Variants in ENAH observed in about 807,000 individuals in gnomAD.
ENAH encodes the protein ENAH actin regulator.
In ENAH, 23 loss-of-function variants were observed where a neutral mutation model predicts 78.7. The observed-to-expected ratio is 0.29, with a 90% CI of 0.21 to 0.41. The LOEUF (loss-of-function observed/expected upper bound fraction) is 0.41, where lower values mean the gene tolerates loss of function less well. Among genes scored for constraint, ENAH ranks in the 10% least tolerant of loss-of-function variants. The pLI is 1.00. For missense variants in ENAH, 544 were observed against 691.0 expected (o/e 0.79, Z 2.39); for synonymous variants, 226 against 241.0 (o/e 0.94, Z 0.58).
At chr1:225,531,001 T>C (rs1366699664) in intron 3 of ENAH, 2 of 400,472 alleles carry the variant, frequency 5.0e-6, no homozygotes, top group East Asian at 3.6e-5. Context: ...ATTCATGAAG[T>C]GGAGAGGGAG....
chr1:225,620,255 C>T (rs1480469866), intron 1 of ENAH, among the ~76,000 whole-genome samples: 1 of 151,786 alleles, frequency 6.6e-6, no homozygotes, highest in Non-Finnish European at 1.5e-5. Context: ...AGGCCTCGCG[C>T]GGTGGTTCAC....
At chr1:225,653,680 G>A (rs1354029582), upstream of ENAH, among the ~76,000 whole-genome samples, 1 of 152,162 alleles carries the variant, frequency 6.6e-6, no homozygotes, top group Admixed American at 6.5e-5. This position sits in a 1 kb window ranked among gnomAD's most constrained non-coding sequence, Gnocchi z 4.3. Context: ...GCGGCCGGGT[G>A]CCCTCGCGCG....
intron 2 of ENAH, among the ~76,000 whole-genome samples, chr1:225,563,807 A>G (rs958249088): frequency 3.3e-5 from 5 of 152,176 alleles, no homozygotes; most frequent in Admixed American, 2.0e-4. Context: ...ATTCTCTACA[A>G]TGGTTGCATA....
chr1:225,488,108 A>T lies in ENAH; in HGVS notation c.*9667T>A, dbSNP rs2096207389. On this transcript the variant is annotated 3_prime_UTR_variant, in exon 14 of 14. Coordinates refer to ENST00000366843, the MANE Select transcript of ENAH (RefSeq NM_018212.6). Reference sequence around the variant, plus strand: ...CATGCACATGCTTATTCTGACCCCAACCCCATCCCTACAAAGGGGCAGCAG... The same window carrying T: ...CATGCACATGCTTATTCTGACCCCATCCCCATCCCTACAAAGGGGCAGCAG... 6.6e-6 allele frequency: 1 copy of T among 152,088 alleles called. No individual in the cohort carries two copies. The highest frequency in any genetic ancestry group is 1.5e-5 in the Non-Finnish European group (1 of 68,028). 9.4% of individuals were successfully genotyped at this position (152,088 alleles called of 1,614,324 possible).
intron 1 of ENAH, among the ~76,000 whole-genome samples, chr1:225,620,312 G>T (rs528420429): frequency 2.0e-5 from 3 of 151,712 alleles, no homozygotes; most frequent in African/African-American, 7.3e-5. Flanking sequence ...TAGATCACAA[G>T]GTCAGGAGAT....
chr1:225,621,481 A>G (rs933525753), intron 1 of ENAH, among the ~76,000 whole-genome samples: 4 of 151,202 alleles, frequency 2.6e-5, no homozygotes, highest in Admixed American at 2.0e-4. Flanking sequence ...TTTAGTAGAG[A>G]CGGGGTTTCA....
At chr1:225,615,956 A>G (rs2097028881) in intron 1 of ENAH, among the ~76,000 whole-genome samples, 1 of 152,250 alleles carries the variant, frequency 6.6e-6, no homozygotes. Context: ...AGAAGCAGAC[A>G]TAGGAGACTC....
At chr1:225,628,815 A>G (rs1658421787) in intron 1 of ENAH, among the ~76,000 whole-genome samples, 3 of 151,264 alleles carry the variant, frequency 2.0e-5, no homozygotes. Flanking sequence ...GCTGAAGCAG[A>G]GAACTGCTTG....
rs1200734976 is a variant in ENAH, at chr1:225,527,231, T to TA, written c.434+3322dup. On this transcript the variant is annotated intron_variant, in intron 4 of 13. Coordinates refer to ENST00000366843, the MANE Select transcript of ENAH (RefSeq NM_018212.6). Reference sequence around the variant, plus strand: ...AGTAATAGTATAGAAAAAGGCCAGTTAAACAGCCAAAGTTAACAGGACAAT... The same window carrying TA: ...AGTAATAGTATAGAAAAAGGCCAGTTAAAACAGCCAAAGTTAACAGGACAAT... 4.6e-5 allele frequency among the ~76,000 whole-genome samples: 7 copies of TA among 152,330 alleles called. No homozygotes were observed. In the East Asian group the frequency reaches 1.3e-3, roughly 29 times the overall value.
intron 1 of ENAH, among the ~76,000 whole-genome samples, chr1:225,614,474 C>CAAAA (rs1017621527): frequency 1.2e-4 from 19 of 152,168 alleles, no homozygotes; most frequent in Non-Finnish European, 1.0e-4. Flanking sequence ...GATGTACCCC[C>CAAAA]AATCGCTGCA....
intron 2 of ENAH, among the ~76,000 whole-genome samples, chr1:225,558,188 C>T (rs1405927561): frequency 6.6e-6 from 1 of 152,034 alleles, no homozygotes; most frequent in Non-Finnish European, 1.5e-5. Context: ...TGTATTCATA[C>T]CAGGTTTTGA....
chr1:225,553,581 A>C (rs1022022641), intron 3 of ENAH, among the ~76,000 whole-genome samples: 4 of 152,144 alleles, frequency 2.6e-5, no homozygotes, highest in African/African-American at 9.6e-5. Context: ...TAAGAAAAAA[A>C]AAAAAAGAAT....
chr1:225,500,938 A>AT, intron 12 of ENAH, 54 bp downstream of exon 12: 1 of 1,520,004 alleles, frequency 6.6e-7, no homozygotes, highest in African/African-American at 1.4e-5. Flanking sequence ...CATATGGGAT[A>AT]TTTTTTAAAA....
At chr1:225,596,488 A>C (rs1425236192) in intron 1 of ENAH, among the ~76,000 whole-genome samples, 4 of 152,208 alleles carry the variant, frequency 2.6e-5, no homozygotes, top group Non-Finnish European at 5.9e-5. Flanking sequence ...ACATATAGCC[A>C]TAGTAAAACT....
At chr1:225,651,805 A>G (rs1663064616) in intron 1 of ENAH, among the ~76,000 whole-genome samples, 2 of 152,216 alleles carry the variant, frequency 1.3e-5, no homozygotes, top group African/African-American at 4.8e-5. Flanking sequence ...AAAATCTCCA[A>G]TGAATGACAC....
rs2096213442 is a variant in ENAH at position 225,489,604 on chromosome 1, T to C, written c.*8171A>G. 6.6e-6 allele frequency: 1 copy of C among 151,828 alleles called. No homozygotes were observed. The highest frequency in any genetic ancestry group is 1.5e-5 in the Non-Finnish European group (1 of 67,940). 9.4% of individuals were successfully genotyped at this position (151,828 alleles called of 1,614,324 possible). Reference sequence around the variant, plus strand: ...ACCAAAAAAGATTAAAAAAAAAGAATAAACCAACCAGTAGCTGCCGAGAAT... The same window carrying C: ...ACCAAAAAAGATTAAAAAAAAAGAACAAACCAACCAGTAGCTGCCGAGAAT... On this transcript the variant is annotated 3_prime_UTR_variant, in exon 14 of 14. Coordinates refer to ENST00000366843, the MANE Select transcript of ENAH (RefSeq NM_018212.6).
intron 3 of ENAH, among the ~76,000 whole-genome samples, chr1:225,538,133 C>CAA (rs1480166964): frequency 6.6e-6 from 1 of 152,142 alleles, no homozygotes; most frequent in African/African-American, 2.4e-5. Context: ...TGAGTGATCA[C>CAA]AACATCAGCA....
chr1:225,513,085 T>C (rs188319975), intron 7 of ENAH, 69 bp from the exon 8 acceptor site: 7 of 1,322,288 alleles, frequency 5.3e-6, no homozygotes, highest in Admixed American at 2.6e-5. Context: ...ATATATTACA[T>C]CTAAAACAGA....
rs1243095918 is a variant in ENAH, at chr1:225,647,044, T to C, written c.5+5642A>G. ...GATCAAGACCATCCTGGCTAACATG[T>C]TGAAACCCCATCTCTACTAAAAATA... is the stretch of plus-strand genomic sequence containing the variant. On this transcript the variant is annotated intron_variant, in intron 1 of 13. Transcript: ENST00000366843. Among the ~76,000 whole-genome samples, 11 of 150,914 alleles carry C rather than the reference T, an allele frequency of 7.3e-5. No homozygotes were observed. The East Asian group carries it at 2.2e-3, about 30-fold the overall frequency.
Sources: gnomAD v4.1 joint callset for allele counts (sites outside exome capture counted in the v4.1 genomes callset) on GRCh38, gnomAD v4.1.1 for gene constraint, Gnocchi (gnomAD v3.1) non-coding constraint, MANE v1.5 for transcripts, NCBI Gene and HGNC (gene_info 2026-07-23, HGNC 2026-07-21) for gene names.